The following SLC13A3 variants were observed in gnomAD, a reference collection of about 807,000 sequenced individuals.
The protein encoded by SLC13A3 is solute carrier family 13 member 3, also known as Na(+)/dicarboxylate cotransporter 3.
A neutral mutation model predicts 59.0 loss-of-function variants in SLC13A3; 40 were observed. The observed-to-expected ratio is 0.68, with a 90% CI of 0.53 to 0.88. The LOEUF is 0.88. Ranked by LOEUF, SLC13A3 falls within the 40% of genes least tolerant of loss-of-function variation. The pLI, the probability that SLC13A3 is intolerant of heterozygous loss-of-function variation, is 0.00. For missense variants in SLC13A3, 699 were observed against 783.2 expected, an observed-to-expected ratio of 0.89 and a Z score of 1.28; for synonymous variants, 317 against 330.3, an observed-to-expected ratio of 0.96 and a Z score of 0.44.
chr20:46,656,007 CTATATATACAG>C (rs2062986443), upstream of SLC13A3, among the ~76,000 whole-genome samples: 1 of 135,746 alleles, frequency 7.4e-6, no homozygotes, highest in South Asian at 2.2e-4. Flanking sequence ...ACTACATATA[CTATATATACAG>C]TATATATACA....
At chr20:46,601,994 C>G (rs1050529423) in intron 3 of SLC13A3, among the ~76,000 whole-genome samples, 1 of 152,110 alleles carries the variant, frequency 6.6e-6, no homozygotes, top group Non-Finnish European at 1.5e-5. Context: ...ACTAGAGTAG[C>G]ATTTGAGCAG....
Position 46,610,444 on chromosome 20 carries a change from A to T in SLC13A3, c.541+2T>A. ...GGCCCCAATCCCTTAGCACAGCCTC[A>T]CCTGTGTTCTCTTCACTCTCCTGGC... On this transcript the variant is annotated splice_donor_variant, in intron 3 of 12. Coordinates refer to ENST00000279027, the MANE Select transcript of SLC13A3 (RefSeq NM_022829.6). LOFTEE classifies it high-confidence loss of function. 6.2e-7 allele frequency: 1 copy of T among 1,610,228 alleles called. No homozygotes were observed. Among genetic ancestry groups the T allele is most frequent in the Non-Finnish European group, 8.5e-7 (1 of 1,178,272 alleles).
At chr20:46,684,141 G>C (rs1235828719) in intron 1 of SLC13A3, among the ~76,000 whole-genome samples, 2 of 151,942 alleles carry the variant, frequency 1.3e-5, no homozygotes, top group Non-Finnish European at 2.9e-5. Context: ...TTTCTTCTTC[G>C]CCAACTTCGC....
At chr20:46,621,648 C>CACGG (rs2062615269) in intron 1 of SLC13A3, among the ~76,000 whole-genome samples, 1 of 152,156 alleles carries the variant, frequency 6.6e-6, no homozygotes, top group Admixed American at 6.5e-5. Context: ...GTACATTCTG[C>CACGG]ACGGACAGAA....
chr20:46,664,028 A>G lies in SLC13A3; in HGVS notation c.-31+6015T>C, dbSNP rs541962273. Among the ~76,000 whole-genome samples the G allele has an allele frequency of 2.6e-5, 4 of 152,338 alleles. No homozygotes were observed. In the East Asian group the frequency reaches 7.7e-4, roughly 29 times the overall value. On this transcript the variant is annotated intron_variant, in intron 1 of 12. Coordinates refer to the SLC13A3 transcript ENST00000290317. ...TCCCCTCAGATAACAAGGGTGCTAC[A>G]TGCACTTCTTTAAACTTCTAGCATG...
intron 1 of SLC13A3, among the ~76,000 whole-genome samples, chr20:46,626,097 T>TTCTCTCTCTCTCTCTCTCTCTC (rs74176872): frequency 4.8e-5 from 7 of 145,792 alleles, no homozygotes; most frequent in African/African-American, 1.8e-4. Context: ...CAAAGCTGTA[T>TTCTCTCTCTCTCTCTCTCTCTC]TCTCTCTCTC....
At chr20:46,589,378 T>C (rs759580559) in intron 6 of SLC13A3, 123 bp from the exon 7 acceptor site, 25 of 718,386 alleles carry the variant, frequency 3.5e-5, no homozygotes, top group Middle Eastern at 4.9e-4. Flanking sequence ...AACTGCCTGA[T>C]AGCTTGTCTC....
chr20:46,567,292 T>A (rs2061989513), intron 10 of SLC13A3, among the ~76,000 whole-genome samples: 1 of 152,172 alleles, frequency 6.6e-6, no homozygotes, highest in African/African-American at 2.4e-5. Flanking sequence ...TTATTATTCA[T>A]TGTCGTAAGA....
intron 1 of SLC13A3, among the ~76,000 whole-genome samples, chr20:46,667,484 G>A (rs1490548316): frequency 6.6e-6 from 1 of 152,154 alleles, no homozygotes; most frequent in East Asian, 1.9e-4. Context: ...CCCAAATGTA[G>A]CCATCATCAT....
intron 10 of SLC13A3, among the ~76,000 whole-genome samples, chr20:46,568,007 A>G (rs2061995070): frequency 6.6e-6 from 1 of 152,188 alleles, no homozygotes; most frequent in South Asian, 2.1e-4. Flanking sequence ...TTATCAATCC[A>G]GTATACCAAA....
intron 10 of SLC13A3, among the ~76,000 whole-genome samples, chr20:46,574,102 C>T (rs1009581333): frequency 6.6e-6 from 1 of 152,120 alleles, no homozygotes; most frequent in African/African-American, 2.4e-5. Flanking sequence ...CCTCCGATTC[C>T]TCATCTTTAA....
rs557415540 is a variant in SLC13A3, at chr20:46,638,998, C to T, written c.111+12313G>A. 5.9e-5 allele frequency among the ~76,000 whole-genome samples: 9 copies of T among 152,322 alleles called. No homozygotes were observed. In the South Asian group the frequency reaches 8.3e-4, roughly 14 times the overall value. On this transcript the variant is annotated intron_variant, in intron 1 of 12. Transcript: ENST00000279027. The stretch of plus-strand genomic sequence containing the variant: ...TTTAAAGCATATCCTCTAAGGCCTG[C>T]GACACAGTAGGTGCTTTGTCCCTGA...
chr20:46,666,537 T>G (rs952102704), intron 1 of SLC13A3, among the ~76,000 whole-genome samples: 1 of 152,062 alleles, frequency 6.6e-6, no homozygotes, highest in African/African-American at 2.4e-5. Flanking sequence ...AGGGTCTCAC[T>G]CTGTTACCCA....
chr20:46,570,914 G>A (rs1019294851), intron 10 of SLC13A3, among the ~76,000 whole-genome samples: 1 of 151,934 alleles, frequency 6.6e-6, no homozygotes, highest in East Asian at 1.9e-4. Flanking sequence ...GTCCATTCTC[G>A]CTCTGCTAAT....
chr20:46,640,307 G>A (rs2062835335), intron 1 of SLC13A3, among the ~76,000 whole-genome samples: 1 of 152,158 alleles, frequency 6.6e-6, no homozygotes, highest in African/African-American at 2.4e-5. Flanking sequence ...AGGTCCTGCA[G>A]GAGAGTAGAG....
chr20:46,579,253 G>A (rs897792346), intron 9 of SLC13A3, among the ~76,000 whole-genome samples: 2 of 151,778 alleles, frequency 1.3e-5, no homozygotes, highest in African/African-American at 4.8e-5. Flanking sequence ...TCAGCCTCCC[G>A]AGTAGCTGGA....
chr20:46,608,799 G>T, intron 3 of SLC13A3: 1 of 1,434,182 alleles, frequency 7.0e-7, no homozygotes, highest in Non-Finnish European at 9.3e-7. Flanking sequence ...GATAATGCTT[G>T]TTGTGTTCAC....
chr20:46,670,810 A>C (rs2063086983), upstream of SLC13A3, among the ~76,000 whole-genome samples: 1 of 152,150 alleles, frequency 6.6e-6, no homozygotes, highest in African/African-American at 2.4e-5. Flanking sequence ...TTAATACAGA[A>C]ACCAACATGA....
At chr20:46,613,215 G>A (rs2062517692) in intron 2 of SLC13A3, among the ~76,000 whole-genome samples, 2 of 151,996 alleles carry the variant, frequency 1.3e-5, no homozygotes, top group African/African-American at 4.8e-5. Context: ...GTTCCCAGGT[G>A]ATTCTTCTGC....
Sources: gnomAD v4.1 joint callset for allele counts (sites outside exome capture counted in the v4.1 genomes callset) on GRCh38, gnomAD v4.1.1 for gene constraint, MANE v1.5 for transcripts, NCBI Gene and HGNC (gene_info 2026-07-23, HGNC 2026-07-21) for gene names.